GRM1: variants seen among roughly 807,000 people sequenced by gnomAD.
The protein encoded by GRM1 is glutamate metabotropic receptor 1.
Under a neutral mutation model 90.9 loss-of-function variants are expected in GRM1, and 33 were observed. That is an observed-to-expected ratio of 0.36 (90% CI 0.28 to 0.49). The LOEUF is 0.49. Among genes scored for constraint, GRM1 ranks in the 20% least tolerant of loss-of-function variants. The probability of loss-of-function intolerance (pLI) is 0.99; values close to 1 mark genes in which losing one functional copy is unlikely to be tolerated. For missense variants in GRM1, 1,190 were observed against 1,534.3 expected (o/e 0.78, Z 3.75); for synonymous variants, 700 against 613.2 (o/e 1.14, Z -2.09).
intron 1 of GRM1, among the ~76,000 whole-genome samples, chr6:146,076,132 T>A (rs1460196205): frequency 6.6e-6 from 1 of 152,136 alleles, no homozygotes. Flanking sequence ...AGAGGGTGCA[T>A]GACTGGTGTG....
intron 7 of GRM1, among the ~76,000 whole-genome samples, chr6:146,419,533 A>G (rs1777912726): frequency 6.6e-6 from 1 of 152,132 alleles, no homozygotes; most frequent in Non-Finnish European, 1.5e-5. Context: ...GGCTGAGTGT[A>G]TTTGTTCATT....
chr6:146,076,996 A>G (rs150070835), intron 1 of GRM1, among the ~76,000 whole-genome samples: 33 of 152,260 alleles, frequency 2.2e-4, no homozygotes, highest in African/African-American at 7.0e-4. Flanking sequence ...ACCTTGGACA[A>G]ATCTAGAGAG....
intron 1 of GRM1, among the ~76,000 whole-genome samples, chr6:146,038,793 G>C (rs1465158393): frequency 6.6e-6 from 1 of 151,474 alleles, no homozygotes; most frequent in African/African-American, 2.4e-5. Flanking sequence ...TTTATAATTT[G>C]TTTGTTATAA....
At chr6:146,405,751 G>T (rs1433010185) in intron 7 of GRM1, among the ~76,000 whole-genome samples, 2 of 152,114 alleles carry the variant, frequency 1.3e-5, no homozygotes, top group Non-Finnish European at 2.9e-5. Flanking sequence ...CATCCTAGGA[G>T]CCCCATCCTT....
At chr6:146,384,810 CAT>C (rs1264785811) in intron 5 of GRM1, among the ~76,000 whole-genome samples, 1 of 151,792 alleles carries the variant, frequency 6.6e-6, no homozygotes, top group African/African-American at 2.4e-5. Context: ...TAAAAAATAA[CAT>C]ATTAGAAGTT....
intron 2 of GRM1, among the ~76,000 whole-genome samples, chr6:146,210,008 C>A (rs558424388): frequency 1.3e-5 from 2 of 152,266 alleles, no homozygotes; most frequent in South Asian, 4.1e-4. Context: ...ATACAAAGAA[C>A]AACCATGCTA....
At chr6:146,299,561 A>T (rs1481752294) in intron 2 of GRM1, among the ~76,000 whole-genome samples, 2 of 152,140 alleles carry the variant, frequency 1.3e-5, no homozygotes, top group African/African-American at 2.4e-5. Context: ...TTGGAATATA[A>T]AGTTTTTCAC....
At chr6:146,115,631 A>G (rs1358423461) in intron 1 of GRM1, among the ~76,000 whole-genome samples, 1 of 152,178 alleles carries the variant, frequency 6.6e-6, no homozygotes, top group East Asian at 1.9e-4. Flanking sequence ...CCGTCTTCCC[A>G]TTCATATAGG....
chr6:146,366,122 C>T (rs2115077486), intron 5 of GRM1, among the ~76,000 whole-genome samples: 1 of 152,202 alleles, frequency 6.6e-6, no homozygotes, highest in South Asian at 2.1e-4. Flanking sequence ...TGCATGTAGG[C>T]TAGGCAATCA....
At chr6:146,299,843 A>G (rs906284111) in intron 2 of GRM1, among the ~76,000 whole-genome samples, 1 of 152,084 alleles carries the variant, frequency 6.6e-6, no homozygotes, top group Non-Finnish European at 1.5e-5. Context: ...ACTGGGCTGT[A>G]CCTGAGTTCC....
chr6:146,263,597 C>G (rs182910220), intron 2 of GRM1, among the ~76,000 whole-genome samples: 4 of 152,120 alleles, frequency 2.6e-5, no homozygotes, highest in African/African-American at 9.6e-5. Flanking sequence ...ATCTCGTACA[C>G]AAGCATACAT....
At chr6:146,094,942 A>G (rs767382593) in intron 1 of GRM1, among the ~76,000 whole-genome samples, 2 of 152,062 alleles carry the variant, frequency 1.3e-5, no homozygotes, top group Admixed American at 6.6e-5. Flanking sequence ...ATAGATAATC[A>G]AAATAAAATG....
intron 1 of GRM1, among the ~76,000 whole-genome samples, chr6:146,109,610 G>A (rs1333313974): frequency 1.3e-5 from 2 of 152,212 alleles, no homozygotes; most frequent in African/African-American, 2.4e-5. Context: ...AGTCACTACT[G>A]TGGCACCGCC....
At chr6:146,143,392 C>G (rs1369087276) in intron 1 of GRM1, among the ~76,000 whole-genome samples, 2 of 152,110 alleles carry the variant, frequency 1.3e-5, no homozygotes, top group Non-Finnish European at 2.9e-5. Context: ...CATAAGGTGG[C>G]TAAAAGTAGC....
At chr6:146,088,791 C>T (rs1174862912) in intron 1 of GRM1, among the ~76,000 whole-genome samples, 1 of 152,082 alleles carries the variant, frequency 6.6e-6, no homozygotes, top group East Asian at 1.9e-4. Flanking sequence ...ATAAAAGAGG[C>T]CTATGGAATC....
chr6:146,302,063 A>G (rs569009738), intron 2 of GRM1, among the ~76,000 whole-genome samples: 81 of 151,778 alleles, frequency 5.3e-4, no homozygotes, highest in Non-Finnish European at 7.7e-4. Context: ...ATCGCATGCC[A>G]TACTTCTTTC....
chr6:146,209,733 A>G (rs960996064), intron 2 of GRM1, among the ~76,000 whole-genome samples: 1 of 152,166 alleles, frequency 6.6e-6, no homozygotes, highest in Admixed American at 6.6e-5. Flanking sequence ...CATTTACATT[A>G]CAAATCAAAT....
chr6:146,334,923 T>C (rs1784716747), intron 3 of GRM1, among the ~76,000 whole-genome samples: 1 of 152,192 alleles, frequency 6.6e-6, no homozygotes, highest in Non-Finnish European at 1.5e-5. Flanking sequence ...TGAGACTTCG[T>C]ACTCATGTGG....
At chr6:146,033,903 T>C (rs1361024246) in intron 1 of GRM1, among the ~76,000 whole-genome samples, 3 of 152,082 alleles carry the variant, frequency 2.0e-5, no homozygotes, top group African/African-American at 4.8e-5. Context: ...CTACTAAATA[T>C]CATATTTCCT....
Sources: allele counts gnomAD v4.1 joint callset (sites outside exome capture counted in the v4.1 genomes callset), GRCh38; gene constraint gnomAD v4.1.1; transcripts MANE v1.5; gene names NCBI Gene and HGNC (gene_info 2026-07-23, HGNC 2026-07-21).